The following MED13L variants were observed in gnomAD, a reference collection of about 807,000 sequenced individuals.
MED13L encodes mediator complex subunit 13L.
MED13L carries 7 observed loss-of-function variants against 220.9 expected under a neutral mutation model. That is an observed-to-expected ratio of 0.03 (90% CI 0.02 to 0.06). The LOEUF is 0.06. MED13L is among the 10% of genes least tolerant of loss of function. The pLI is 1.00. For missense variants in MED13L, 1,965 were observed against 2,760.5 expected (o/e 0.71, Z 6.46); for synonymous variants, 1,011 against 1,015.2 (o/e 1.00, Z 0.08).
rs963068084 is a variant in MED13L, at chr12:116,158,880, C to T, written c.311-47368G>A. The stretch of plus-strand genomic sequence containing the variant: ...GTAAAACACAGAAAGCTGAAGTAAC[C>T]TCACGTGACTAGTGAGCAGTTCAAC... On this transcript the variant is annotated intron_variant, in intron 2 of 30. Coordinates refer to ENST00000281928, the MANE Select transcript of MED13L (RefSeq NM_015335.5). Among the ~76,000 whole-genome samples, 6 of 152,126 alleles carry T rather than the reference C, an allele frequency of 3.9e-5. No individual in the cohort carries two copies. In the South Asian group the frequency reaches 8.3e-4, roughly 21 times the overall value.
At chr12:116,207,009 T>C (rs1287271049) in intron 2 of MED13L, among the ~76,000 whole-genome samples, 2 of 152,054 alleles carry the variant, frequency 1.3e-5, no homozygotes, top group Non-Finnish European at 2.9e-5. Flanking sequence ...TAAAGGCACA[T>C]TCATAACAAA....
chr12:115,991,269 G>A lies in MED13L; in HGVS notation c.3685C>T (p.Leu1229Phe). The change falls in exon 17 of 31, where the codon CTC becomes TTC. Residue 1229 changes from leucine to phenylalanine, a missense_variant. By Grantham distance (22) the Leu-to-Phe change is conservative. Around this residue, in one of 10 missense-constraint regions of MED13L, gnomAD observed 165 missense variants for 190.8 expected, o/e 0.86. Transcript: ENST00000281928. The surrounding 1 kb of genome is among the most constrained non-coding windows in gnomAD (Gnocchi z 7.7). The stretch of plus-strand genomic sequence containing the variant: ...AAAGGTTGTGTGTGTTGATTCTGGA[G>A]GAGGAGGAGAAGGCTTATGGGTGGC... ...QEPPISLLLL[L>F]QNQHTQPFAS... The A allele has an allele frequency of 6.2e-7, 1 of 1,614,184 alleles. No individual in the cohort carries two copies. Among genetic ancestry groups the A allele is most frequent in the Non-Finnish European group, 8.5e-7 (1 of 1,180,034 alleles).
At chr12:116,008,224 G>A in intron 10 of MED13L, 177 bp downstream of exon 10, 1 of 839,468 alleles carries the variant, frequency 1.2e-6, no homozygotes, top group East Asian at 2.7e-5. Context: ...AATGACATGT[G>A]TGCTAACCTA....
At chr12:116,024,637 C>A (rs1880258823) in intron 4 of MED13L, among the ~76,000 whole-genome samples, 1 of 151,966 alleles carries the variant, frequency 6.6e-6, no homozygotes, top group Non-Finnish European at 1.5e-5. Flanking sequence ...TTTGATATAA[C>A]CCCATTTTCT....
intron 4 of MED13L, among the ~76,000 whole-genome samples, chr12:116,061,637 C>T (rs982833439): frequency 1.3e-5 from 2 of 152,102 alleles, no homozygotes. Flanking sequence ...ATGCGCATCC[C>T]AAATTACCTA....
At chr12:116,194,493 T>C (rs1465486679) in intron 2 of MED13L, among the ~76,000 whole-genome samples, 5 of 152,190 alleles carry the variant, frequency 3.3e-5, no homozygotes, top group Non-Finnish European at 7.3e-5. Flanking sequence ...GTACAGGGTA[T>C]TTCCTAATCA....
chr12:116,197,514 C>A (rs944555575), intron 2 of MED13L, among the ~76,000 whole-genome samples: 3 of 152,116 alleles, frequency 2.0e-5, no homozygotes, highest in African/African-American at 7.2e-5. Flanking sequence ...CCCCTGTAAT[C>A]CCAGCATTTT....
intron 2 of MED13L, among the ~76,000 whole-genome samples, chr12:116,172,099 C>G (rs1362526564): frequency 6.6e-6 from 1 of 152,178 alleles, no homozygotes; most frequent in Non-Finnish European, 1.5e-5. Flanking sequence ...TGCAGCTCAT[C>G]ATTCTGGTTC....
chr12:116,192,847 C>T (rs1881367518), intron 2 of MED13L, among the ~76,000 whole-genome samples: 1 of 152,000 alleles, frequency 6.6e-6, no homozygotes, highest in African/African-American at 2.4e-5. Context: ...ATCAGGCAGG[C>T]ATGGGCCGGG....
At chr12:116,006,743 T>G (rs1879070583) in intron 11 of MED13L, 1 of 377,974 alleles carries the variant, frequency 2.6e-6, no homozygotes, top group South Asian at 2.6e-5. Flanking sequence ...AATTATAGAT[T>G]TGGCTTTCTG....
chr12:116,088,718 GAAAGA>G (rs1416301426), intron 4 of MED13L, among the ~76,000 whole-genome samples: 2 of 109,198 alleles, frequency 1.8e-5, no homozygotes. Flanking sequence ...GCTTAAAAAA[GAAAGA>G]AAAGAAAAGA....
intron 2 of MED13L, among the ~76,000 whole-genome samples, chr12:116,150,216 G>T (rs1191881747): frequency 6.6e-6 from 1 of 152,192 alleles, no homozygotes; most frequent in African/African-American, 2.4e-5. Context: ...GACCATGCAG[G>T]CTGTGTCACT....
intron 2 of MED13L, among the ~76,000 whole-genome samples, chr12:116,113,793 A>AGAGGGAGAGGG (rs1290523086): frequency 5.6e-5 from 3 of 53,462 alleles, no homozygotes; most frequent in Non-Finnish European, 3.3e-5. Flanking sequence ...GGAGGGGGGA[A>AGAGGGAGAGGG]GAGGGAGAGG....
intron 4 of MED13L, among the ~76,000 whole-genome samples, chr12:116,061,211 C>G (rs1045067756): frequency 1.3e-5 from 2 of 151,990 alleles, no homozygotes; most frequent in African/African-American, 4.8e-5. Flanking sequence ...TCATGAGACT[C>G]GTTTATTTTC....
intron 4 of MED13L, among the ~76,000 whole-genome samples, chr12:116,068,439 A>C (rs2137670625): frequency 6.6e-6 from 1 of 152,362 alleles, no homozygotes; most frequent in Admixed American, 6.5e-5. Flanking sequence ...CTTCTTAAAT[A>C]CAAACACTCC....
Position 115,991,317 on chromosome 12 carries a change from C to G in MED13L, c.3637G>C (p.Glu1213Gln). ...MCQSTFLPQV[E>Q]GTKKPQEPPI... is the part of the protein sequence containing the mutation. The stretch of plus-strand genomic sequence containing the variant: ...GGCTCCTGGGGTTTTTTGGTTCCTT[C>G]CACCTGAGGAAGGAAGGTGGACTGA... The change falls in exon 17 of 31, where the codon GAA becomes CAA. Residue 1213 changes from glutamate (E) to glutamine (Q), a missense_variant. Coordinates refer to ENST00000281928, the MANE Select transcript of MED13L (RefSeq NM_015335.5). The surrounding 1 kb of genome is among the most constrained non-coding windows in gnomAD (Gnocchi z 7.7). 6.2e-7 allele frequency: 1 copy of G among 1,614,014 alleles called. No homozygotes were observed. The highest frequency in any genetic ancestry group is 8.5e-7 in the Non-Finnish European group (1 of 1,180,002).
intron 3 of MED13L, among the ~76,000 whole-genome samples, chr12:116,099,890 T>C (rs1872919531): frequency 6.6e-6 from 1 of 152,170 alleles, no homozygotes; most frequent in East Asian, 1.9e-4. Context: ...CATCAAAAGG[T>C]TGTTACACAC....
At chr12:116,230,732 T>C (rs1412748355) in intron 2 of MED13L, among the ~76,000 whole-genome samples, 4 of 152,214 alleles carry the variant, frequency 2.6e-5, no homozygotes, top group Non-Finnish European at 4.4e-5. Flanking sequence ...TCAATTTATA[T>C]ATAAAATAGT....
At chr12:116,127,492 G>A (rs919443755) in intron 2 of MED13L, among the ~76,000 whole-genome samples, 4 of 152,058 alleles carry the variant, frequency 2.6e-5, no homozygotes, top group African/African-American at 9.7e-5. Context: ...GTACCCCTAT[G>A]TAGTCCGTTA....
Sources: gnomAD v4.1 joint callset for allele counts (sites outside exome capture counted in the v4.1 genomes callset) on GRCh38, gnomAD v4.1.1 for gene constraint, gnomAD v4.1.1 regional missense constraint, Gnocchi (gnomAD v3.1) non-coding constraint, MANE v1.5 for transcripts, NCBI Gene and HGNC (gene_info 2026-07-23, HGNC 2026-07-21) for gene names.